Variants in NCAM1 observed in about 807,000 individuals in gnomAD.
The protein encoded by NCAM1 is neural cell adhesion molecule 1.
Under a neutral mutation model 109.8 loss-of-function variants are expected in NCAM1, and 14 were observed. That is an observed-to-expected ratio of 0.13 (90% CI 0.08 to 0.20). The LOEUF is 0.20. Among genes scored for constraint, NCAM1 ranks in the 10% least tolerant of loss-of-function variants. The probability of loss-of-function intolerance (pLI) is 1.00; values close to 1 mark genes in which losing one functional copy is unlikely to be tolerated. For missense variants in NCAM1, 774 were observed against 1,109.9 expected (o/e 0.70, Z 4.30); for synonymous variants, 418 against 442.9 (o/e 0.94, Z 0.70).
At chr11:113,060,610 T>C (rs549140727) in intron 1 of NCAM1, among the ~76,000 whole-genome samples, 1 of 152,370 alleles carries the variant, frequency 6.6e-6, no homozygotes, top group Admixed American at 6.5e-5. Flanking sequence ...TGTGTTATTT[T>C]ATGTGGGACA....
At chr11:113,009,021 G>A (rs1951963064) in intron 1 of NCAM1, among the ~76,000 whole-genome samples, 1 of 152,174 alleles carries the variant, frequency 6.6e-6, no homozygotes, top group Non-Finnish European at 1.5e-5. Context: ...CACAGCGGGA[G>A]AGTGCAATAA....
At position 113,141,669 on chromosome 11, in the gene NCAM1, G is replaced by A. The variant is rs536274700; in HGVS notation, c.53-60710G>A. On this transcript the variant is annotated intron_variant, in intron 1 of 19. Transcript: ENST00000316851. ...TCTCAAAACAAACAAACAAACAAAAGTTAGTGAAGCTGAAGGGATTTTAGT... is the reference window on the plus strand; with the variant it reads ...TCTCAAAACAAACAAACAAACAAAAATTAGTGAAGCTGAAGGGATTTTAGT... 2.0e-5 allele frequency among the ~76,000 whole-genome samples: 3 copies of A among 152,018 alleles called. No individual in the cohort carries two copies. The South Asian group carries it at 6.3e-4, about 32-fold the overall frequency.
chr11:113,148,585 A>G (rs1241837296), intron 1 of NCAM1, among the ~76,000 whole-genome samples: 1 of 152,002 alleles, frequency 6.6e-6, no homozygotes, highest in Non-Finnish European at 1.5e-5. Flanking sequence ...CCAAGTGAAA[A>G]TTTTTGTTAA....
At chr11:113,137,974 A>C (rs1555099775) in intron 1 of NCAM1, among the ~76,000 whole-genome samples, 1 of 152,188 alleles carries the variant, frequency 6.6e-6, no homozygotes, top group Admixed American at 6.5e-5. Flanking sequence ...GCCAAACAAA[A>C]AATGCAGACA....
intron 1 of NCAM1, among the ~76,000 whole-genome samples, chr11:113,093,504 T>A (rs1414781073): frequency 6.6e-6 from 1 of 152,200 alleles, no homozygotes; most frequent in African/African-American, 2.4e-5. Flanking sequence ...CTCATTCAGC[T>A]GTGTTGTGAA....
intron 1 of NCAM1, among the ~76,000 whole-genome samples, chr11:113,007,908 T>A (rs567836941): frequency 6.6e-6 from 1 of 152,376 alleles, no homozygotes; most frequent in East Asian, 1.9e-4. Flanking sequence ...ATTGTTCTGA[T>A]ATTTTCTTTT....
chr11:113,126,633 C>T (rs1476898215), intron 1 of NCAM1, among the ~76,000 whole-genome samples: 1 of 152,150 alleles, frequency 6.6e-6, no homozygotes, highest in Non-Finnish European at 1.5e-5. Context: ...GACAAATTAT[C>T]GAGTTTCTCT....
intron 17 of NCAM1, chr11:113,263,067 T>C: frequency 1.4e-6 from 2 of 1,410,284 alleles, no homozygotes; most frequent in Non-Finnish European, 1.8e-6. Flanking sequence ...GGTTTTGTGA[T>C]TGGAAAAAGC....
chr11:113,000,870 T>C (rs1358498974), intron 1 of NCAM1, among the ~76,000 whole-genome samples: 6 of 130,730 alleles, frequency 4.6e-5, no homozygotes, highest in African/African-American at 9.2e-5. Context: ...TATATATATA[T>C]ACACATACAC....
chr11:113,061,141 T>C (rs1352408934), intron 1 of NCAM1, among the ~76,000 whole-genome samples: 1 of 152,174 alleles, frequency 6.6e-6, no homozygotes, highest in Non-Finnish European at 1.5e-5. Flanking sequence ...ATTAACAGGT[T>C]CCACATTTAA....
intron 1 of NCAM1, among the ~76,000 whole-genome samples, chr11:113,158,437 T>C (rs1942490209): frequency 1.3e-5 from 2 of 152,232 alleles, no homozygotes; most frequent in South Asian, 2.1e-4. Context: ...CCCTGGAGAC[T>C]ATTGTACTTC....
At chr11:113,202,001 C>T (rs1555111900) in intron 1 of NCAM1, among the ~76,000 whole-genome samples, 1 of 152,200 alleles carries the variant, frequency 6.6e-6, no homozygotes. Context: ...GGTTGGGTCA[C>T]CATTTCTGTG....
intron 1 of NCAM1, among the ~76,000 whole-genome samples, chr11:113,130,429 A>G (rs1193915362): frequency 6.6e-6 from 1 of 152,210 alleles, no homozygotes; most frequent in Non-Finnish European, 1.5e-5. Context: ...AGTCAATTAA[A>G]CAGTATGCCA....
At chr11:113,080,517 G>T (rs575352319) in intron 1 of NCAM1, among the ~76,000 whole-genome samples, 1 of 151,674 alleles carries the variant, frequency 6.6e-6, no homozygotes, top group South Asian at 2.1e-4. Context: ...GATGCGGGTG[G>T]TATTCACATG....
chr11:113,206,355 T>A (rs909623550), intron 5 of NCAM1, among the ~76,000 whole-genome samples, 175 bp downstream of exon 5: 12 of 151,334 alleles, frequency 7.9e-5, no homozygotes, highest in African/African-American at 1.7e-4. Context: ...TTTTTTTTTT[T>A]AATATACTTG....
At chr11:113,019,102 G>A (rs936103765) in intron 1 of NCAM1, among the ~76,000 whole-genome samples, 4 of 152,000 alleles carry the variant, frequency 2.6e-5, no homozygotes, top group East Asian at 3.9e-4. Flanking sequence ...TTAGGGAGAG[G>A]TGATGCTTCC....
chr11:113,066,890 G>A (rs1342815845), intron 1 of NCAM1, among the ~76,000 whole-genome samples: 10 of 151,210 alleles, frequency 6.6e-5, no homozygotes, highest in African/African-American at 2.4e-4. Flanking sequence ...TGTAGTCCCA[G>A]TTGCTCCGGA....
intron 1 of NCAM1, among the ~76,000 whole-genome samples, chr11:113,102,700 G>A (rs1170711398): frequency 3.3e-5 from 5 of 152,178 alleles, no homozygotes; most frequent in Non-Finnish European, 5.9e-5. Context: ...GAGTTTAAAC[G>A]TGAGCAACGT....
At chr11:112,979,343 A>G (rs539516949) in intron 1 of NCAM1, among the ~76,000 whole-genome samples, 260 of 152,020 alleles carry the variant, frequency 1.7e-3, no homozygotes, top group African/African-American at 5.3e-3. Context: ...AATGTTTATT[A>G]TAGACATGTC....
Sources: gnomAD v4.1 joint callset for allele counts (sites outside exome capture counted in the v4.1 genomes callset) on GRCh38, gnomAD v4.1.1 for gene constraint, MANE v1.5 for transcripts, NCBI Gene and HGNC (gene_info 2026-07-23, HGNC 2026-07-21) for gene names.